Variants in LNPEP observed in about 807,000 individuals in gnomAD.
The protein encoded by LNPEP is leucyl and cystinyl aminopeptidase, also known as leucyl-cystinyl aminopeptidase.
In LNPEP, 64 loss-of-function variants were observed where a neutral mutation model predicts 120.6. The observed-to-expected ratio is 0.53, with a 90% CI of 0.43 to 0.65. The LOEUF is 0.65. Among genes scored for constraint, LNPEP ranks in the 30% least tolerant of loss-of-function variants. The probability of loss-of-function intolerance (pLI) is 0.00; values close to 1 mark genes in which losing one functional copy is unlikely to be tolerated. For synonymous variants in LNPEP, 435 were observed against 425.4 expected, an observed-to-expected ratio of 1.02 and a Z score of -0.28; for missense variants, 1,057 against 1,200.0, an observed-to-expected ratio of 0.88 and a Z score of 1.76.
chr5:96,995,561 C>G (rs1176982442), intron 6 of LNPEP, among the ~76,000 whole-genome samples: 1 of 151,512 alleles, frequency 6.6e-6, no homozygotes, highest in Non-Finnish European at 1.5e-5. Context: ...CAAGATCTCA[C>G]TCTGTCACCC....
chr5:96,983,973 A>C (rs1215531676), intron 2 of LNPEP, among the ~76,000 whole-genome samples: 1 of 149,408 alleles, frequency 6.7e-6, no homozygotes, highest in East Asian at 1.9e-4. Flanking sequence ...ACCCTTCTTA[A>C]TAATCTTCCA....
At chr5:96,936,349 G>GAA (rs1788870569) in intron 1 of LNPEP, 175 bp downstream of exon 1, 11 of 450,746 alleles carry the variant, frequency 2.4e-5, no homozygotes, top group Non-Finnish European at 3.4e-5. Flanking sequence ...TTCGGGGGGC[G>GAA]GGCGGCGGCC....
At chr5:96,962,155 A>AC (rs1439472056) in intron 1 of LNPEP, among the ~76,000 whole-genome samples, 10 of 151,836 alleles carry the variant, frequency 6.6e-5, no homozygotes, top group Non-Finnish European at 1.2e-4. Context: ...TGGCTCTGTG[A>AC]CCCCCCAGCC....
Position 97,029,269 on chromosome 5 carries a change from G to A in LNPEP, c.*736G>A, listed in dbSNP as rs1373683782. 9 of 152,352 alleles carry A rather than the reference G, an allele frequency of 5.9e-5. No homozygotes were observed. In the South Asian group the frequency reaches 1.2e-3, roughly 21 times the overall value. 9.4% of individuals were successfully genotyped at this position (152,352 alleles called of 1,614,324 possible). ...TTTTATAGCGTTACCATAGGAAACT[G>A]TTCCAAACTGAGTTAGCTTTAATTA... On this transcript the variant is annotated 3_prime_UTR_variant, in exon 18 of 18. Transcript: ENST00000231368.
In LNPEP at chr5:96,998,018, A is replaced by G; in HGVS notation, c.1526A>G (p.Glu509Gly). ...EKIFKELSSY[E>G]DFLDARFKTM... ...AATCTTTTCATTTTTTGACAGTATG[A>G]AGATTTCTTAGATGCTCGATTTAAA... The change falls in exon 8 of 18, where the codon GAA (glutamate) becomes GGA (glycine). Residue 509 changes from glutamate (E) to glycine (G), a missense_variant. By Grantham distance (98) the Glu-to-Gly change is moderately conservative (BLOSUM62 -2). Coordinates refer to ENST00000231368, the MANE Select transcript of LNPEP (RefSeq NM_005575.3). 1 of 1,559,850 alleles carries G rather than the reference A, an allele frequency of 6.4e-7. No homozygotes were observed.
At chr5:96,960,535 C>T (rs1235730096) in intron 1 of LNPEP, among the ~76,000 whole-genome samples, 1 of 152,160 alleles carries the variant, frequency 6.6e-6, no homozygotes, top group Non-Finnish European at 1.5e-5. Context: ...GTTTCATTCT[C>T]TACCTTTTCA....
intron 3 of LNPEP, among the ~76,000 whole-genome samples, chr5:96,986,017 G>A (rs1228973546): frequency 6.6e-6 from 1 of 151,992 alleles, no homozygotes; most frequent in Non-Finnish European, 1.5e-5. Context: ...ATTCTATAAG[G>A]TTGCCTACAT....
chr5:96,974,135 A>G (rs1031538903), intron 1 of LNPEP, among the ~76,000 whole-genome samples: 1 of 152,142 alleles, frequency 6.6e-6, no homozygotes, highest in African/African-American at 2.4e-5. Flanking sequence ...GTGGTATGAC[A>G]AATTCCACTG....
chr5:96,945,326 C>T (rs898562029), intron 1 of LNPEP, among the ~76,000 whole-genome samples: 2 of 150,356 alleles, frequency 1.3e-5, no homozygotes, highest in South Asian at 4.2e-4. Flanking sequence ...GAAAGGATCA[C>T]TTGAGCCTGG....
chr5:96,979,002 T>C, intron 1 of LNPEP, 136 bp from the exon 2 acceptor site: 1 of 895,094 alleles, frequency 1.1e-6, no homozygotes, highest in Non-Finnish European at 1.6e-6. Context: ...ATTCAGTAGC[T>C]CTGAGATGGA....
intron 11 of LNPEP, among the ~76,000 whole-genome samples, chr5:97,007,613 ATGAT>A (rs1167834197): frequency 6.6e-6 from 1 of 152,172 alleles, no homozygotes; most frequent in Non-Finnish European, 1.5e-5. Flanking sequence ...AACTATTCTT[ATGAT>A]TATTTGTTTA....
chr5:96,994,226 A>G (rs1197817431), intron 6 of LNPEP, among the ~76,000 whole-genome samples: 2 of 152,214 alleles, frequency 1.3e-5, no homozygotes, highest in Non-Finnish European at 2.9e-5. Flanking sequence ...CACATTTTAC[A>G]TATGTGAAAA....
rs750203171 is a variant in LNPEP at position 97,026,603 on chromosome 5, G to T, written c.2724-14G>T. 2 of 1,605,792 alleles carry T rather than the reference G, an allele frequency of 1.2e-6. No homozygotes were observed. Among genetic ancestry groups the T allele is most frequent in the Non-Finnish European group, 1.7e-6 (2 of 1,174,526 alleles). The stretch of plus-strand genomic sequence containing the variant: ...AATAATAATTTTGGAGGCTAAATCT[G>T]CTTTGCTCTTCAGGTTAATGAAAAG... On this transcript the variant is annotated splice_polypyrimidine_tract_variant and intron_variant, in intron 15 of 17. Coordinates refer to ENST00000231368, the MANE Select transcript of LNPEP (RefSeq NM_005575.3).
intron 1 of LNPEP, among the ~76,000 whole-genome samples, chr5:96,940,442 T>TAAAA (rs945513961): frequency 2.1e-5 from 3 of 142,092 alleles, no homozygotes; most frequent in Non-Finnish European, 4.6e-5. Flanking sequence ...ACAGTTACAT[T>TAAAA]AAAAAAAAAA....
intron 1 of LNPEP, among the ~76,000 whole-genome samples, chr5:96,953,356 T>C (rs887307272): frequency 1.2e-4 from 18 of 152,166 alleles, no homozygotes; most frequent in Non-Finnish European, 2.5e-4. Context: ...CACAAAATGG[T>C]TGGAGTCTTT....
chr5:97,000,693 A>G (rs1267866799), intron 8 of LNPEP, among the ~76,000 whole-genome samples: 1 of 152,148 alleles, frequency 6.6e-6, no homozygotes, highest in African/African-American at 2.4e-5. Flanking sequence ...AGGACTTGGA[A>G]GTTTGTGCCT....
chr5:97,008,974 T>A (rs979459484), intron 11 of LNPEP, among the ~76,000 whole-genome samples: 1 of 152,044 alleles, frequency 6.6e-6, no homozygotes, highest in African/African-American at 2.4e-5. Context: ...TTTACCTGAG[T>A]TTATTCTGAG....
At chr5:96,946,335 G>A (rs1454356113) in intron 1 of LNPEP, among the ~76,000 whole-genome samples, 1 of 152,202 alleles carries the variant, frequency 6.6e-6, no homozygotes. Flanking sequence ...CATTCCACTT[G>A]TAGGAAGCAC....
At chr5:96,939,216 CTTT>C (rs34230118) in intron 1 of LNPEP, among the ~76,000 whole-genome samples, 2 of 139,348 alleles carry the variant, frequency 1.4e-5, no homozygotes, top group Non-Finnish European at 3.1e-5. Context: ...TGTATACTTT[CTTT>C]TTTTTTTTTT....
Sources: allele counts gnomAD v4.1 joint callset (sites outside exome capture counted in the v4.1 genomes callset), GRCh38; gene constraint gnomAD v4.1.1; transcripts MANE v1.5; gene names NCBI Gene and HGNC (gene_info 2026-07-23, HGNC 2026-07-21).